CYP4Z1: variants seen among roughly 807,000 people sequenced by gnomAD.
CYP4Z1 encodes the protein cytochrome P450 family 4 subfamily Z member 1.
A neutral mutation model predicts 54.2 loss-of-function variants in CYP4Z1; 41 were observed. The observed-to-expected ratio is 0.76, with a 90% CI of 0.59 to 0.98. The LOEUF (loss-of-function observed/expected upper bound fraction) is 0.98, where lower values mean the gene tolerates loss of function less well. Ranked by LOEUF, CYP4Z1 falls within the 50% of genes least tolerant of loss-of-function variation. The probability of loss-of-function intolerance (pLI) is 0.00; values close to 1 mark genes in which losing one functional copy is unlikely to be tolerated. For synonymous variants in CYP4Z1, 163 were observed against 206.2 expected (o/e 0.79, Z 1.79); for missense variants, 513 against 599.0 (o/e 0.86, Z 1.50).
chr1:47,105,181 C>G (rs1644748146), intron 8 of CYP4Z1, among the ~76,000 whole-genome samples: 1 of 134,234 alleles, frequency 7.4e-6, no homozygotes, highest in Admixed American at 7.4e-5. Context: ...GTGGCTCCCA[C>G]CTTGGCACCA....
intron 9 of CYP4Z1, among the ~76,000 whole-genome samples, chr1:47,114,768 A>C (rs1432508909): frequency 6.6e-6 from 1 of 152,198 alleles, no homozygotes; most frequent in Non-Finnish European, 1.5e-5. Flanking sequence ...ACCAGTTAGA[A>C]AGGCGATCAT....
At chr1:47,089,830 A>G (rs867574680) in intron 6 of CYP4Z1, among the ~76,000 whole-genome samples, 5,720 of 150,280 alleles carry the variant, frequency 0.038, 73 homozygotes, top group African/African-American at 0.13. Flanking sequence ...GTAGCAAGAA[A>G]GAATTGTCGT....
chr1:47,114,460 T>G (rs1644815290), intron 9 of CYP4Z1, among the ~76,000 whole-genome samples: 2 of 152,102 alleles, frequency 1.3e-5, no homozygotes, highest in African/African-American at 2.4e-5. Context: ...CTTATTAAAC[T>G]AAAGAGCTTC....
rs143020741 is a variant in CYP4Z1 at position 47,077,801 on chromosome 1, A to G, written c.320-2822A>G. Among the ~76,000 whole-genome samples the G allele has an allele frequency of 4.4e-3, 665 of 151,812 alleles. 4 individuals carry two copies. The highest frequency in any genetic ancestry group is 0.023 in the South Asian group (112 of 4,784). ...ATGCCTGGCTAATTTTTTCTTTTGT[A>G]TAGACAAGGGTCTCACTATGTTGTC... On this transcript the variant is annotated intron_variant, in intron 2 of 11. Coordinates refer to ENST00000334194, the MANE Select transcript of CYP4Z1 (RefSeq NM_178134.3).
At chr1:47,103,071 C>T (rs1186302842) in intron 8 of CYP4Z1, among the ~76,000 whole-genome samples, 1 of 151,866 alleles carries the variant, frequency 6.6e-6, no homozygotes, top group Non-Finnish European at 1.5e-5. Flanking sequence ...AAAGACCTGT[C>T]ATCAAGGTCT....
intron 6 of CYP4Z1, among the ~76,000 whole-genome samples, chr1:47,087,911 T>A (rs1190462677): frequency 6.6e-6 from 1 of 152,222 alleles, no homozygotes; most frequent in African/African-American, 2.4e-5. Flanking sequence ...TGAAGGGCTG[T>A]TGAATTTTGT....
At chr1:47,098,214 G>A (rs1644694763) in intron 7 of CYP4Z1, among the ~76,000 whole-genome samples, 1 of 152,168 alleles carries the variant, frequency 6.6e-6, no homozygotes, top group Non-Finnish European at 1.5e-5. Context: ...TGGGCAATAT[G>A]GCCATTTTCA....
At chr1:47,086,596 C>A (rs1644596828) in intron 6 of CYP4Z1, among the ~76,000 whole-genome samples, 1 of 151,956 alleles carries the variant, frequency 6.6e-6, no homozygotes, top group Admixed American at 6.5e-5. Context: ...GGATATTAGC[C>A]CTTTGTCAGA....
chr1:47,095,445 C>T (rs1399236812), intron 7 of CYP4Z1, among the ~76,000 whole-genome samples: 16 of 152,258 alleles, frequency 1.1e-4, no homozygotes, highest in Non-Finnish European at 1.6e-4. Flanking sequence ...ACTTGGCAAT[C>T]AACAGTCACT....
At chr1:47,106,746 T>C (rs1265177631) in intron 9 of CYP4Z1, among the ~76,000 whole-genome samples, 2 of 152,168 alleles carry the variant, frequency 1.3e-5, no homozygotes, top group African/African-American at 2.4e-5. Flanking sequence ...AGCCAGATCA[T>C]AGAGTTTTCT....
chr1:47,116,453 T>C (rs1412628563), intron 10 of CYP4Z1, among the ~76,000 whole-genome samples, 197 bp from the exon 11 acceptor site: 1 of 152,206 alleles, frequency 6.6e-6, no homozygotes, highest in Non-Finnish European at 1.5e-5. Flanking sequence ...TAGCCTCTGC[T>C]TTCTTGGGAT....
chr1:47,102,980 A>G (rs1466519599), intron 8 of CYP4Z1, among the ~76,000 whole-genome samples: 3 of 152,168 alleles, frequency 2.0e-5, no homozygotes, highest in Admixed American at 2.0e-4. Context: ...TGATCATTTG[A>G]TGGTGTCTTA....
chr1:47,085,897 A>G (rs576122768), intron 6 of CYP4Z1, among the ~76,000 whole-genome samples: 4 of 130,496 alleles, frequency 3.1e-5, no homozygotes, highest in Admixed American at 1.9e-4. Context: ...CCTGTGTCCA[A>G]GTGTTCTCAT....
chr1:47,059,590 G>A, the CYP4Z1 span, among the ~76,000 whole-genome samples: 22 of 152,188 alleles, frequency 1.4e-4, no homozygotes, highest in East Asian at 7.7e-4. Context: ...ATTTGGCTAC[G>A]TAAATATCAT....
intron 6 of CYP4Z1, among the ~76,000 whole-genome samples, chr1:47,085,675 CT>C (rs1160531661): frequency 2.0e-5 from 3 of 151,378 alleles, no homozygotes; most frequent in Non-Finnish European, 2.9e-5. Context: ...CGGTTTATGT[CT>C]TTTTTTCTTT....
At chr1:47,099,348 C>G in intron 8 of CYP4Z1, 64 bp downstream of exon 8, 1 of 1,426,774 alleles carries the variant, frequency 7.0e-7, no homozygotes, top group Non-Finnish European at 9.4e-7. Context: ...TTTCTCTCTT[C>G]CGGTATCAGT....
chr1:47,108,237 C>G (rs562835295), intron 9 of CYP4Z1, among the ~76,000 whole-genome samples: 2 of 152,262 alleles, frequency 1.3e-5, no homozygotes, highest in South Asian at 4.2e-4. Flanking sequence ...ACAGGCACTC[C>G]ACAACTTCAC....
At chr1:47,087,112 T>G (rs1644601643) in intron 6 of CYP4Z1, among the ~76,000 whole-genome samples, 1 of 152,234 alleles carries the variant, frequency 6.6e-6, no homozygotes, top group Non-Finnish European at 1.5e-5. Context: ...TAGTATAGTT[T>G]GAAGTCAGGT....
At chr1:47,089,020 T>C (rs914434842) in intron 6 of CYP4Z1, among the ~76,000 whole-genome samples, 2 of 149,858 alleles carry the variant, frequency 1.3e-5, no homozygotes, top group African/African-American at 5.0e-5. Context: ...TTATATTTAA[T>C]GTAATCACTA....
Sources: allele counts gnomAD v4.1 joint callset (sites outside exome capture counted in the v4.1 genomes callset), GRCh38; gene constraint gnomAD v4.1.1; transcripts MANE v1.5; gene names NCBI Gene and HGNC (gene_info 2026-07-23, HGNC 2026-07-21).